Variants in RPS6KA2 observed in about 807,000 individuals in gnomAD.
RPS6KA2 encodes the protein ribosomal protein S6 kinase A2, also known as ribosomal protein S6 kinase alpha-2.
Under a neutral mutation model 91.8 loss-of-function variants are expected in RPS6KA2, and 42 were observed. The ratio of observed to expected loss-of-function variants is 0.46; its 90% confidence interval spans 0.36 to 0.59. The LOEUF is 0.59. Ranked by LOEUF, RPS6KA2 falls within the 20% of genes least tolerant of loss-of-function variation. The probability of loss-of-function intolerance (pLI) is 0.00; values close to 1 mark genes in which losing one functional copy is unlikely to be tolerated. For missense variants in RPS6KA2, 798 were observed against 978.5 expected, an observed-to-expected ratio of 0.82 and a Z score of 2.46; for synonymous variants, 414 against 393.6, an observed-to-expected ratio of 1.05 and a Z score of -0.61.
intron 2 of RPS6KA2, among the ~76,000 whole-genome samples, chr6:166,796,285 G>A (rs1012919962): frequency 6.6e-6 from 1 of 152,214 alleles, no homozygotes; most frequent in East Asian, 1.9e-4. Flanking sequence ...TCTCTCATAT[G>A]GCCCCCTAAA....
chr6:166,813,503 G>T (rs1018149540), intron 2 of RPS6KA2, among the ~76,000 whole-genome samples: 3 of 152,158 alleles, frequency 2.0e-5, no homozygotes, highest in Non-Finnish European at 4.4e-5. Flanking sequence ...ACACAAACTG[G>T]GTGGCTTAAG....
rs189743430 is a variant in RPS6KA2, at chr6:166,705,120, T to G, written c.123+153080A>C. On this transcript the variant is annotated intron_variant, in intron 2 of 21. Transcript: ENST00000503859. ...CCAACATCTACTCAACATCTTATTCTGAGATGTTCACCTCAAACATGTGAG... is the reference window on the plus strand; with the variant it reads ...CCAACATCTACTCAACATCTTATTCGGAGATGTTCACCTCAAACATGTGAG... Among the ~76,000 whole-genome samples, 3 of 152,336 alleles carry G rather than the reference T, an allele frequency of 2.0e-5. No individual in the cohort carries two copies. In the East Asian group the frequency reaches 5.8e-4, roughly 29 times the overall value.
In RPS6KA2 at chr6:166,412,034, G is replaced by C. The variant is rs1445477537; in HGVS notation, c.*728C>G. On this transcript the variant is annotated 3_prime_UTR_variant, in exon 21 of 21. Transcript: ENST00000265678. The surrounding 1 kb of genome is among the most constrained non-coding windows in gnomAD (Gnocchi z 4.3). Reference sequence around the variant, plus strand: ...AAGCCGAGACTGGAGGTGGACACAGGCTCCTCCGAGAGGCACCCCCTTCCA... The same window carrying C: ...AAGCCGAGACTGGAGGTGGACACAGCCTCCTCCGAGAGGCACCCCCTTCCA... 1 of 152,268 alleles carries C rather than the reference G, an allele frequency of 6.6e-6. No homozygotes were observed. The highest frequency in any genetic ancestry group is 1.5e-5 in the Non-Finnish European group (1 of 68,140). 9.4% of individuals were successfully genotyped at this position (152,268 alleles called of 1,614,324 possible). A position where few individuals can be genotyped will look rare whatever the true frequency, so the allele number is the denominator to read the frequency against.
intron 1 of RPS6KA2, among the ~76,000 whole-genome samples, chr6:166,550,793 G>A (rs1012735423): frequency 4.6e-5 from 7 of 152,004 alleles, no homozygotes; most frequent in East Asian, 3.9e-4. Flanking sequence ...ACAAGGTCAG[G>A]AGATCGACAC....
At chr6:166,658,343 T>C (rs189113195) in intron 2 of RPS6KA2, among the ~76,000 whole-genome samples, 1 of 152,316 alleles carries the variant, frequency 6.6e-6, no homozygotes, top group East Asian at 1.9e-4. Flanking sequence ...CTTGGCCCAC[T>C]GTACGCAGAG....
At chr6:166,688,645 G>C (rs537928027) in intron 2 of RPS6KA2, among the ~76,000 whole-genome samples, 1 of 152,246 alleles carries the variant, frequency 6.6e-6, no homozygotes, top group African/African-American at 2.4e-5. Flanking sequence ...GGTAGGGGGC[G>C]GGAAGGCGAG....
Position 166,754,289 on chromosome 6 carries a change from G to A in RPS6KA2, c.123+103911C>T, listed in dbSNP as rs185378698. Among the ~76,000 whole-genome samples the A allele has an allele frequency of 2.1e-3, 324 of 152,306 alleles. 5 individuals carry two copies. Among genetic ancestry groups the A allele is most frequent in the African/African-American group, 7.1e-3 (294 of 41,566 alleles). Reference sequence around the variant, plus strand: ...AACAGGTCAGGAGACAACTGTCAGCGAAAAGAGAGTTTGTTACTCACAGAT... The same window carrying A: ...AACAGGTCAGGAGACAACTGTCAGCAAAAAGAGAGTTTGTTACTCACAGAT... On this transcript the variant is annotated intron_variant, in intron 2 of 21. Coordinates refer to the RPS6KA2 transcript ENST00000503859.
chr6:166,512,297 G>A (rs979151043), intron 3 of RPS6KA2, among the ~76,000 whole-genome samples: 4 of 152,174 alleles, frequency 2.6e-5, no homozygotes, highest in African/African-American at 9.7e-5. Context: ...AAGCAGGATC[G>A]TGGTGAACAG....
At chr6:166,601,749 G>C (rs1368321996) in intron 1 of RPS6KA2, among the ~76,000 whole-genome samples, 1 of 152,082 alleles carries the variant, frequency 6.6e-6, no homozygotes, top group African/African-American at 2.4e-5. Context: ...CACAAAGAAT[G>C]CAAGTCATTA....
chr6:166,660,300 T>TTGTGTGCATGTG (rs1554244339), intron 2 of RPS6KA2, among the ~76,000 whole-genome samples: 2 of 150,278 alleles, frequency 1.3e-5, no homozygotes, highest in Non-Finnish European at 3.0e-5. Flanking sequence ...CTGTATCTCA[T>TTGTGTGCATGTG]TGTGTGTGTG....
chr6:166,736,143 ATC>A (rs1790665150), intron 2 of RPS6KA2, among the ~76,000 whole-genome samples: 2 of 152,226 alleles, frequency 1.3e-5, no homozygotes, highest in Non-Finnish European at 2.9e-5. Context: ...GTGTGATATT[ATC>A]TGTTTCAACA....
intron 11 of RPS6KA2, among the ~76,000 whole-genome samples, chr6:166,461,404 C>G (rs562899940): frequency 1.3e-5 from 2 of 152,070 alleles, no homozygotes; most frequent in East Asian, 3.9e-4. Flanking sequence ...AGCCCATTCC[C>G]CACCCAGAGA....
chr6:166,834,213 T>C (rs1780259276), intron 2 of RPS6KA2, among the ~76,000 whole-genome samples: 1 of 152,212 alleles, frequency 6.6e-6, no homozygotes, highest in Non-Finnish European at 1.5e-5. Flanking sequence ...TGTCAGACTT[T>C]TCAGTTTTAG....
chr6:166,833,331 G>A (rs1780234721), intron 2 of RPS6KA2, among the ~76,000 whole-genome samples: 1 of 152,178 alleles, frequency 6.6e-6, no homozygotes, highest in Admixed American at 6.5e-5. Context: ...ACTGAATATG[G>A]ACTTTTCCTT....
chr6:166,670,787 T>C (rs12198299), intron 2 of RPS6KA2, among the ~76,000 whole-genome samples: 53,340 of 152,084 alleles, frequency 0.35, 9,585 homozygotes, highest in Middle Eastern at 0.45. Flanking sequence ...TACCCTCAAA[T>C]GTCAGCTAAA....
intron 2 of RPS6KA2, among the ~76,000 whole-genome samples, chr6:166,761,854 G>A (rs141335734): frequency 2.6e-5 from 4 of 152,108 alleles, no homozygotes; most frequent in Non-Finnish European, 5.9e-5. Context: ...GTGTCTCCTC[G>A]CATTTGAGGC....
At position 166,767,624 on chromosome 6, in the gene RPS6KA2, C is replaced by T. The variant is rs1395884827; in HGVS notation, c.123+90576G>A. ...GAATGTGTTGAGCGTCCACAATGTT[C>T]CAGGCTTAGCCCCCGCACTGCAGCT... On this transcript the variant is annotated intron_variant, in intron 2 of 21. Transcript: ENST00000503859. This position sits in a 1 kb window ranked among gnomAD's most constrained non-coding sequence, Gnocchi z 4.6. Among the ~76,000 whole-genome samples, 1 of 152,188 alleles carries T rather than the reference C, an allele frequency of 6.6e-6. No individual in the cohort carries two copies. Among genetic ancestry groups the T allele is most frequent in the Non-Finnish European group, 1.5e-5 (1 of 68,034 alleles).
chr6:166,671,628 G>A (rs1431724869), intron 2 of RPS6KA2, among the ~76,000 whole-genome samples: 1 of 152,174 alleles, frequency 6.6e-6, no homozygotes, highest in Admixed American at 6.5e-5. Flanking sequence ...ATCTGACAGC[G>A]AGCTGCCGTG....
upstream of RPS6KA2, among the ~76,000 whole-genome samples, chr6:166,632,215 C>T (rs2128546145): frequency 6.6e-6 from 1 of 152,280 alleles, no homozygotes; most frequent in East Asian, 1.9e-4. Context: ...ACCTGTGTTG[C>T]CCGCAGGTAG....
Sources: allele counts gnomAD v4.1 joint callset (sites outside exome capture counted in the v4.1 genomes callset), GRCh38; gene constraint gnomAD v4.1.1; non-coding constraint Gnocchi (gnomAD v3.1); transcripts MANE v1.5; gene names NCBI Gene and HGNC (gene_info 2026-07-23, HGNC 2026-07-21).